GGCX: variants seen among roughly 807,000 people sequenced by gnomAD.
GGCX encodes the protein vitamin K-dependent gamma-carboxylase.
GGCX carries 63 observed loss-of-function variants against 88.5 expected under a neutral mutation model. The observed-to-expected ratio is 0.71, with a 90% CI of 0.58 to 0.88. GGCX has a LOEUF of 0.88. Among genes scored for constraint, GGCX ranks in the 40% least tolerant of loss-of-function variants. GGCX has a pLI of 0.00. For synonymous variants in GGCX, 368 were observed against 365.8 expected (o/e 1.01, Z -0.07); for missense variants, 805 against 932.9 (o/e 0.86, Z 1.79).
In GGCX at chr2:85,561,437, G is replaced by T; in HGVS notation, c.-9C>A. The T allele has an allele frequency of 2.6e-6, 4 of 1,567,808 alleles. No homozygotes were observed. Among genetic ancestry groups the T allele is most frequent in the Non-Finnish European group, 3.5e-6 (4 of 1,155,860 alleles). ...CCGGCAGACACCGCCATTGCTCTGC[G>T]GAGGAGGCAGGTGGGTCACAGCTGC... On this transcript the variant is annotated 5_prime_UTR_variant, in exon 1 of 15. Transcript: ENST00000233838.
chr2:85,550,461 C>A, intron 14 of GGCX, 94 bp downstream of exon 14: 1 of 908,986 alleles, frequency 1.1e-6, no homozygotes. Context: ...ACTGTCCTTT[C>A]CTGTATGACA....
At chr2:85,560,448 A>T (rs112944489) in intron 2 of GGCX, among the ~76,000 whole-genome samples, 5 of 151,978 alleles carry the variant, frequency 3.3e-5, no homozygotes, top group Non-Finnish European at 7.4e-5. Context: ...CAAAAAAAAT[A>T]AAAAATTAGC....
chr2:85,549,919 A>G lies in GGCX; in HGVS notation c.*15T>C. ...ACTGGCTGCTTCTACATCTGCACCC[A>G]ACATCTGGCCCCCTTCAGAACTCTG... is the stretch of plus-strand genomic sequence containing the variant. On this transcript the variant is annotated 3_prime_UTR_variant, in exon 15 of 15. Transcript: ENST00000233838. 1 of 1,581,600 alleles carries G rather than the reference A, an allele frequency of 6.3e-7. No homozygotes were observed. The highest frequency in any genetic ancestry group is 8.7e-7 in the Non-Finnish European group (1 of 1,151,262).
At position 85,560,897 on chromosome 2, in the gene GGCX, AT is replaced by A. The variant is rs765511694; in HGVS notation, c.131del (p.Asp44ValfsTer9). The A allele has an allele frequency of 1.2e-6, 2 of 1,613,984 alleles. No homozygotes were observed. The highest frequency in any genetic ancestry group is 1.7e-6 in the Non-Finnish European group (2 of 1,179,846). ...TCACCAGCCTCCGCCAACTGGACAAATCTGTCCACTCAAAACCCAAGAGTTT... is the reference window on the plus strand; with the variant it reads ...TCACCAGCCTCCGCCAACTGGACAAACTGTCCACTCAAAACCCAAGAGTTT... ...IGKLLGFEWTDLSSWRRLVTL... is the reference protein window; with the variant it reads ...IGKLLGFEWTXLSSWRRLVTL... On this transcript the variant is annotated frameshift_variant, in exon 2 of 15. Transcript: ENST00000233838. LOFTEE classifies it high-confidence loss of function.
Position 85,551,015 on chromosome 2 carries a change from T to C in GGCX, c.1798A>G (p.Met600Val), listed in dbSNP as rs546506303. The C allele has an allele frequency of 3.1e-6, 5 of 1,613,522 alleles. No homozygotes were observed. The highest frequency in any genetic ancestry group is 4.2e-6 in the Non-Finnish European group (5 of 1,179,506). The stretch of plus-strand genomic sequence containing the variant: ...TCTGTAGTGTTGACATAGACGTACA[T>C]GTAGCAAGAAGGGCTAGGTGATGTC... ...YTTSPSPSCY[M>V]YVYVNTTELA... Residue 600 changes from methionine (M) to valine (V), a missense_variant, in exon 13 of 15, where the codon ATG (methionine) becomes GTG (valine). Around this residue, in one of 3 missense-constraint regions of GGCX, gnomAD observed 680 missense variants for 763.7 expected, o/e 0.89. Transcript: ENST00000233838.
At position 85,545,598 on chromosome 2, in the gene GGCX, A is replaced by T. The variant is rs1306501367; in HGVS notation, c.*4336T>A. ...GGCATTTTTTAAAAGCCTAAGCAAG[A>T]TTTAGTCCTCCTAGTCCACTTAAGC... On this transcript the variant is annotated 3_prime_UTR_variant, in exon 15 of 15. Transcript: ENST00000233838. 1 of 152,152 alleles carries T rather than the reference A, an allele frequency of 6.6e-6. No individual in the cohort carries two copies. The highest frequency in any genetic ancestry group is 1.5e-5 in the Non-Finnish European group (1 of 68,030). The allele number at this position is 152,152 out of a possible 1,614,324, so 9.4% of individuals were successfully genotyped here. A position where few individuals can be genotyped will look rare whatever the true frequency, so the allele number is the denominator to read the frequency against.
At position 85,553,463 on chromosome 2, in the gene GGCX, A is replaced by C; in HGVS notation, c.924T>G (p.Pro308=). ...GAGGCCACTCAGGGGAGCAGAAGAG[A>C]GGGCTGCTGGCCAGCATGACGTAGG... ...MFSYVMLASS[P]LFCSPEWPRK... The change falls in exon 8 of 15, where the codon CCT becomes CCG. Residue 308 remains proline (P), a synonymous_variant. Coordinates refer to ENST00000233838, the MANE Select transcript of GGCX (RefSeq NM_000821.7). 6.2e-7 allele frequency: 1 copy of C among 1,613,880 alleles called. No individual in the cohort carries two copies. The highest frequency in any genetic ancestry group is 2.2e-5 in the East Asian group (1 of 44,884).
chr2:85,558,808 G>T, intron 3 of GGCX, 109 bp downstream of exon 3: 2 of 1,034,298 alleles, frequency 1.9e-6, no homozygotes, highest in Non-Finnish European at 3.0e-6. Context: ...GCATGAAATT[G>T]ATCACAGCAG....
intron 2 of GGCX, among the ~76,000 whole-genome samples, chr2:85,560,013 G>A (rs1692363477): frequency 6.6e-6 from 1 of 152,180 alleles, no homozygotes. Context: ...CCTCCCCCAA[G>A]TTGTGACAAC....
At chr2:85,559,275 G>A (rs903445566) in intron 2 of GGCX, among the ~76,000 whole-genome samples, 200 bp from the exon 3 acceptor site, 2 of 152,210 alleles carry the variant, frequency 1.3e-5, no homozygotes, top group Non-Finnish European at 2.9e-5. Flanking sequence ...AGCCCCTGCA[G>A]CTCGGTTAAC....
At position 85,545,869 on chromosome 2, in the gene GGCX, C is replaced by T. The variant is rs1181967965; in HGVS notation, c.*4065G>A. 6.6e-6 allele frequency: 1 copy of T among 152,208 alleles called. No homozygotes were observed. Among genetic ancestry groups the T allele is most frequent in the Non-Finnish European group, 1.5e-5 (1 of 68,038 alleles). The allele number at this position is 152,208 out of a possible 1,614,324, so 9.4% of individuals were successfully genotyped here. A position where few individuals can be genotyped will look rare whatever the true frequency, so the allele number is the denominator to read the frequency against. ...GAAGTTCTGAAACGTGATTTCTAGTCAATATCTTGCAGAGATAAATAATGC... is the reference window on the plus strand; with the variant it reads ...GAAGTTCTGAAACGTGATTTCTAGTTAATATCTTGCAGAGATAAATAATGC... On this transcript the variant is annotated 3_prime_UTR_variant, in exon 15 of 15. Transcript: ENST00000233838.
chr2:85,556,285 A>AGG, intron 4 of GGCX, 25 bp from the exon 5 acceptor site: 1 of 1,450,584 alleles, frequency 6.9e-7, no homozygotes, highest in Non-Finnish European at 9.7e-7. Context: ...GTAAACATTG[A>AGG]GGGGGGAGCT....
chr2:85,554,476 T>TTGTTGTTGTTGC (rs1444830168), intron 6 of GGCX, 170 bp from the exon 7 acceptor site: 1 of 676,424 alleles, frequency 1.5e-6, no homozygotes, highest in African/African-American at 1.8e-5. Context: ...GTTGTTGTTG[T>TTGTTGTTGTTGC]TGTTGTTGAA....
chr2:85,553,126 C>G, intron 8 of GGCX, 56 bp from the exon 9 acceptor site: 1 of 1,613,606 alleles, frequency 6.2e-7, no homozygotes, highest in Non-Finnish European at 8.5e-7. Context: ...TGACCCCATC[C>G]CCTACCAAGA....
At chr2:85,550,497 G>T in intron 14 of GGCX, 58 bp downstream of exon 14, 2 of 1,290,878 alleles carry the variant, frequency 1.5e-6, no homozygotes, top group Admixed American at 1.7e-5. Flanking sequence ...CTCCCCAGGG[G>T]AAAGTTACCA....
chr2:85,552,681 A>T lies in GGCX; in HGVS notation c.1288-114T>A. The T allele has an allele frequency of 3.5e-6, 4 of 1,152,556 alleles. No individual in the cohort carries two copies. In the East Asian group the frequency reaches 9.3e-5, roughly 27 times the overall value. The allele number at this position is 1,152,556 out of a possible 1,614,324, so 71.4% of individuals were successfully genotyped here. On this transcript the variant is annotated intron_variant, in intron 9 of 14. Transcript: ENST00000233838. ...CCTGCTGCCCATTCTGGCTAGAAAA[A>T]AATGGAACTTGCCTTTGGGAATGAA...
rs1194450449 is a variant in GGCX at position 85,544,963 on chromosome 2, T to C, written c.*4971A>G. ...ATTTTTTTTTTTTCTCTCAACACCATGATTCCTTTAACAACATGTTTCCAG... is the reference window on the plus strand; with the variant it reads ...ATTTTTTTTTTTTCTCTCAACACCACGATTCCTTTAACAACATGTTTCCAG... On this transcript the variant is annotated 3_prime_UTR_variant, in exon 15 of 15. Coordinates refer to ENST00000233838, the MANE Select transcript of GGCX (RefSeq NM_000821.7). The C allele has an allele frequency of 6.6e-6, 1 of 152,386 alleles. No homozygotes were observed. Among genetic ancestry groups the C allele is most frequent in the Non-Finnish European group, 1.5e-5 (1 of 67,990 alleles). 9.4% of individuals were successfully genotyped at this position (152,386 alleles called of 1,614,324 possible). A position where few individuals can be genotyped will look rare whatever the true frequency, so the allele number is the denominator to read the frequency against.
Position 85,561,406 on chromosome 2 carries a change from G to T in GGCX, c.23C>A (p.Ala8Glu). Residue 8 changes from alanine (A) to glutamate (E), a missense_variant, in exon 1 of 15, where the codon GCG becomes GAG. Ala to Glu is a moderately radical substitution (Grantham distance 107, BLOSUM62 -1). Around this residue, in one of 3 missense-constraint regions of GGCX, gnomAD observed 64 missense variants for 57.4 expected, o/e 1.12. Coordinates refer to ENST00000233838, the MANE Select transcript of GGCX (RefSeq NM_000821.7). ...CCTACCTGAGCTGGGCGAGGTCCGC[G>T]CGGACCCGGCAGACACCGCCATTGC... Reference protein sequence around the residue: MAVSAGSARTSPSSDKVQ... With the variant: MAVSAGSERTSPSSDKVQ... The T allele has an allele frequency of 6.4e-7, 1 of 1,572,060 alleles. No individual in the cohort carries two copies. The highest frequency in any genetic ancestry group is 8.6e-7 in the Non-Finnish European group (1 of 1,159,176).
In GGCX at chr2:85,549,210, C is replaced by T. The variant is rs1419375548; in HGVS notation, c.*724G>A. 2 of 152,412 alleles carry T rather than the reference C, an allele frequency of 1.3e-5. No individual in the cohort carries two copies. Among genetic ancestry groups the T allele is most frequent in the South Asian group, 2.1e-4 (1 of 4,830 alleles). 9.4% of individuals were successfully genotyped at this position (152,412 alleles called of 1,614,324 possible). ...GTTAAGTTCAAACCATCAGTCCATT[C>T]GTCACTAGCTGTATGTCTTCGGGCA... On this transcript the variant is annotated 3_prime_UTR_variant, in exon 15 of 15. Transcript: ENST00000233838.
Sources: allele counts gnomAD v4.1 joint callset (sites outside exome capture counted in the v4.1 genomes callset), GRCh38; gene constraint gnomAD v4.1.1; regional missense constraint gnomAD v4.1.1; transcripts MANE v1.5; gene names NCBI Gene and HGNC (gene_info 2026-07-23, HGNC 2026-07-21).